The following TSPEAR variants were observed in gnomAD, a reference collection of about 807,000 sequenced individuals.
TSPEAR encodes thrombospondin-type laminin G domain and EAR repeat-containing protein.
In TSPEAR, 69 loss-of-function variants were observed where a neutral mutation model predicts 71.6. The ratio of observed to expected loss-of-function variants is 0.96; its 90% CI spans 0.79 to 1.18. The LOEUF is 1.18. Ranked by LOEUF, TSPEAR falls within the 50% of genes most tolerant of loss-of-function variation. The pLI, the probability that TSPEAR is intolerant of heterozygous loss-of-function variation, is 0.00. For synonymous variants in TSPEAR, 402 were observed against 387.2 expected (o/e 1.04, Z -0.45); for missense variants, 971 against 894.9 (o/e 1.09, Z -1.09).
chr21:44,634,330 A>G (rs1983420579), intron 1 of TSPEAR, among the ~76,000 whole-genome samples: 1 of 152,244 alleles, frequency 6.6e-6, no homozygotes, highest in Admixed American at 6.5e-5. Context: ...CCAACAAATT[A>G]ACTAAAAATG....
intron 1 of TSPEAR, among the ~76,000 whole-genome samples, chr21:44,633,288 T>G (rs1983360409): frequency 6.6e-6 from 1 of 152,292 alleles, no homozygotes; most frequent in Non-Finnish European, 1.5e-5. Context: ...AGTTTGCTCT[T>G]CCTTTTCCTG....
chr21:44,535,822 T>C (rs1346458380), intron 2 of TSPEAR, among the ~76,000 whole-genome samples: 4 of 148,686 alleles, frequency 2.7e-5, no homozygotes, highest in African/African-American at 1.0e-4. Flanking sequence ...CGCTTCGGCC[T>C]CCCAAAGTGC....
intron 1 of TSPEAR, among the ~76,000 whole-genome samples, chr21:44,577,331 G>A (rs895364412): frequency 6.6e-5 from 10 of 152,178 alleles, no homozygotes; most frequent in South Asian, 2.1e-4. Flanking sequence ...AGGAATACCC[G>A]AGACTGGGCA....
chr21:44,583,549 AAAG>A (rs1211400035), intron 1 of TSPEAR, among the ~76,000 whole-genome samples: 2 of 152,184 alleles, frequency 1.3e-5, no homozygotes, highest in Admixed American at 6.5e-5. Context: ...TCAGGCTTTT[AAAG>A]AAGGAGTGAG....
intron 9 of TSPEAR, chr21:44,517,704 G>C: frequency 2.1e-6 from 1 of 466,950 alleles, no homozygotes; most frequent in Non-Finnish European, 4.4e-6. Context: ...GCATGGCAGT[G>C]GCCAGCGTCC....
intron 1 of TSPEAR, chr21:44,677,580 G>T: frequency 5.0e-6 from 5 of 998,458 alleles, no homozygotes. Flanking sequence ...AAGTGCAGGT[G>T]TGGGTTTTCC....
At chr21:44,658,897 T>C (rs2146263443) in intron 1 of TSPEAR, among the ~76,000 whole-genome samples, 1 of 152,138 alleles carries the variant, frequency 6.6e-6, no homozygotes, top group South Asian at 2.1e-4. Context: ...CCCAGAAGGA[T>C]GGACAAGAAA....
intron 1 of TSPEAR, chr21:44,579,550 G>A: frequency 1.6e-6 from 1 of 631,010 alleles, no homozygotes; most frequent in Non-Finnish European, 2.7e-6. Context: ...CTGGGAGGGA[G>A]GACAGGGGAC....
At chr21:44,592,488 G>C in intron 1 of TSPEAR, 1 of 1,605,466 alleles carries the variant, frequency 6.2e-7, no homozygotes, top group South Asian at 1.1e-5. Flanking sequence ...CGGCCATGCT[G>C]GGGTTGAACT....
intron 1 of TSPEAR, among the ~76,000 whole-genome samples, chr21:44,640,837 T>C (rs1352604198): frequency 6.6e-6 from 1 of 152,210 alleles, no homozygotes. Context: ...AGGATGACTG[T>C]GGGCACTCAG....
At chr21:44,629,937 A>G (rs62219769) in intron 1 of TSPEAR, among the ~76,000 whole-genome samples, 8,544 of 152,222 alleles carry the variant, frequency 0.056, 306 homozygotes, top group South Asian at 0.11. Flanking sequence ...GACAGGCCAC[A>G]CAGGGATGGG....
At chr21:44,707,998 C>T (rs1402581084) in intron 1 of TSPEAR, among the ~76,000 whole-genome samples, 3 of 55,464 alleles carry the variant, frequency 5.4e-5, no homozygotes, top group Non-Finnish European at 1.1e-4. Context: ...CCCTCCCCGC[C>T]CCGCGCGTGC....
intron 5 of TSPEAR, among the ~76,000 whole-genome samples, chr21:44,528,796 C>G (rs2052908548): frequency 6.6e-6 from 1 of 152,226 alleles, no homozygotes; most frequent in Admixed American, 6.5e-5. Context: ...CATGATGCCC[C>G]CTATATGGTC....
chr21:44,511,367 C>T (rs781789794), intron 9 of TSPEAR, among the ~76,000 whole-genome samples: 15 of 151,208 alleles, frequency 9.9e-5, no homozygotes, highest in Non-Finnish European at 2.2e-4. Flanking sequence ...TGTGTACACA[C>T]ACACATATAT....
intron 2 of TSPEAR, chr21:44,550,441 A>G (rs1428943001): frequency 1.6e-5 from 11 of 673,178 alleles, no homozygotes; most frequent in African/African-American, 9.1e-5. Flanking sequence ...GCCCATCCCC[A>G]ACCAGCGACC....
In TSPEAR at chr21:44,533,935, G is replaced by A. The variant is rs192955018; in HGVS notation, c.304-12C>T. On this transcript the variant is annotated splice_polypyrimidine_tract_variant and intron_variant, in intron 2 of 11. Coordinates refer to ENST00000323084, the MANE Select transcript of TSPEAR (RefSeq NM_144991.3). Reference sequence around the variant, plus strand: ...AGGTACTCGTTCCTCTGTGGAGAGCGGGCCAGGCTCAGGACGGGGCTGGGG... The same window carrying A: ...AGGTACTCGTTCCTCTGTGGAGAGCAGGCCAGGCTCAGGACGGGGCTGGGG... 9.5e-4 allele frequency: 1,518 copies of A among 1,604,490 alleles called. 8 individuals are homozygous for A. In the Middle Eastern group the frequency reaches 0.023, roughly 24 times the overall value.
chr21:44,535,807 C>T (rs1396231739), intron 2 of TSPEAR, among the ~76,000 whole-genome samples: 1 of 151,718 alleles, frequency 6.6e-6, no homozygotes, highest in Non-Finnish European at 1.5e-5. Context: ...CTCAGGTGAT[C>T]CGCCCGCTTC....
chr21:44,641,227 C>T (rs1555938472), intron 1 of TSPEAR, among the ~76,000 whole-genome samples: 1 of 151,984 alleles, frequency 6.6e-6, no homozygotes, highest in Non-Finnish European at 1.5e-5. Context: ...TCTGAACAAG[C>T]GATGATGCAG....
chr21:44,699,907 C>T (rs1555951316), intron 1 of TSPEAR, among the ~76,000 whole-genome samples: 1 of 152,290 alleles, frequency 6.6e-6, no homozygotes, highest in Admixed American at 6.5e-5. Context: ...TGGACTCCAC[C>T]CCGTCCCCCG....
Sources: allele counts gnomAD v4.1 joint callset (sites outside exome capture counted in the v4.1 genomes callset), GRCh38; gene constraint gnomAD v4.1.1; transcripts MANE v1.5; gene names NCBI Gene and HGNC (gene_info 2026-07-23, HGNC 2026-07-21).